The following DOCK10 variants were observed in gnomAD, a reference collection of about 807,000 sequenced individuals.
DOCK10 encodes dedicator of cytokinesis 10.
Under a neutral mutation model 280.1 loss-of-function variants are expected in DOCK10, and 145 were observed. That is an observed-to-expected ratio of 0.52 (90% CI 0.45 to 0.59). The LOEUF (loss-of-function observed/expected upper bound fraction) is 0.59. DOCK10 is among the 20% of genes least tolerant of loss of function. The pLI, the probability that DOCK10 is intolerant of heterozygous loss-of-function variation, is 0.00. For synonymous variants in DOCK10, 915 were observed against 942.2 expected (o/e 0.97, Z 0.53); for missense variants, 2,368 against 2,651.7 (o/e 0.89, Z 2.35).
chr2:224,988,815 C>T (rs1306585562), intron 1 of DOCK10, among the ~76,000 whole-genome samples: 1 of 152,142 alleles, frequency 6.6e-6, no homozygotes, highest in Non-Finnish European at 1.5e-5. Context: ...TTTTAAGGTG[C>T]TGTGTTTACT....
chr2:224,842,384 A>C (rs1175751614), intron 22 of DOCK10, among the ~76,000 whole-genome samples: 1 of 152,228 alleles, frequency 6.6e-6, no homozygotes, highest in African/African-American at 2.4e-5. Context: ...GATAGAACTG[A>C]CTATAACACT....
At chr2:224,785,801 C>T (rs1207375160) in intron 50 of DOCK10, among the ~76,000 whole-genome samples, 1 of 152,132 alleles carries the variant, frequency 6.6e-6, no homozygotes, top group Non-Finnish European at 1.5e-5. Context: ...TTTAAGCTGC[C>T]TTTGGTGAGC....
At chr2:224,898,128 G>A (rs1700087683) in intron 3 of DOCK10, among the ~76,000 whole-genome samples, 1 of 152,210 alleles carries the variant, frequency 6.6e-6, no homozygotes, top group African/African-American at 2.4e-5. Flanking sequence ...TTGCAGAAAG[G>A]ATGGAGGGGG....
chr2:224,982,568 C>T (rs760984824), intron 1 of DOCK10: 88 of 1,192,936 alleles, frequency 7.4e-5, no homozygotes, highest in Non-Finnish European at 8.8e-5. Context: ...GGAAACTGAA[C>T]ACACTCAGGA....
intron 50 of DOCK10, among the ~76,000 whole-genome samples, chr2:224,783,566 G>A (rs928263708): frequency 5.3e-5 from 8 of 151,776 alleles, no homozygotes; most frequent in African/African-American, 7.3e-5. Flanking sequence ...GAGCCACCGC[G>A]CCCAGCCTTG....
Position 224,830,621 on chromosome 2 carries a change from A to G in DOCK10, c.2965-9T>C, listed in dbSNP as rs538171314. 115 of 1,489,668 alleles carry G rather than the reference A, an allele frequency of 7.7e-5. 1 individual carries two copies. In the African/African-American group the frequency reaches 1.5e-3, roughly 19 times the overall value. 92.3% of individuals were successfully genotyped at this position (1,489,668 alleles called of 1,614,324 possible). ...AAGAAGAACCAGGAATGCTGTTGGG[A>G]AAAAAAAGGCAACGAGACATTTATT... On this transcript the variant is annotated splice_polypyrimidine_tract_variant and intron_variant, in intron 26 of 55. Transcript: ENST00000258390.
intron 6 of DOCK10, 43 bp downstream of exon 6, chr2:224,886,020 A>G: frequency 6.2e-7 from 1 of 1,612,374 alleles, no homozygotes; most frequent in Non-Finnish European, 8.5e-7. Context: ...GGGAGTGTTA[A>G]GAAGGGTGAC....
intron 1 of DOCK10, among the ~76,000 whole-genome samples, chr2:225,005,986 C>A (rs772845799): frequency 6.6e-6 from 1 of 152,130 alleles, no homozygotes; most frequent in Non-Finnish European, 1.5e-5. Flanking sequence ...ACAAAAACAT[C>A]TTGGAGGTTT....
intron 1 of DOCK10, among the ~76,000 whole-genome samples, chr2:225,025,997 A>G (rs1010233835): frequency 6.6e-6 from 1 of 152,134 alleles, no homozygotes; most frequent in Non-Finnish European, 1.5e-5. Context: ...AGAGGAAGAG[A>G]CTAAGTCTGC....
chr2:224,963,253 A>G (rs1704550480), intron 1 of DOCK10, among the ~76,000 whole-genome samples: 2 of 152,214 alleles, frequency 1.3e-5, no homozygotes. Context: ...TGGGAAGAAT[A>G]TTGTGACTGA....
chr2:224,912,742 C>T (rs1288821090), intron 3 of DOCK10, among the ~76,000 whole-genome samples: 1 of 152,040 alleles, frequency 6.6e-6, no homozygotes, highest in Non-Finnish European at 1.5e-5. Context: ...TTATGGGCAT[C>T]AGGCCGGGCA....
At chr2:224,937,104 A>C (rs935343303) in intron 1 of DOCK10, among the ~76,000 whole-genome samples, 1 of 152,200 alleles carries the variant, frequency 6.6e-6, no homozygotes, top group Non-Finnish European at 1.5e-5. Context: ...TTAATAACTA[A>C]AATATTTTTC....
intron 50 of DOCK10, among the ~76,000 whole-genome samples, chr2:224,782,199 A>T (rs1018019195): frequency 5.9e-5 from 9 of 152,034 alleles, no homozygotes; most frequent in African/African-American, 1.9e-4. Context: ...CAAAGTGGAG[A>T]TGATGGTTTT....
intron 3 of DOCK10, among the ~76,000 whole-genome samples, chr2:224,898,537 A>G (rs1700112899): frequency 6.6e-6 from 1 of 152,242 alleles, no homozygotes; most frequent in Non-Finnish European, 1.5e-5. Context: ...CCAATGCCTG[A>G]GCCAATTCTG....
At chr2:224,867,818 A>T (rs888785825) in intron 11 of DOCK10, among the ~76,000 whole-genome samples, 1 of 152,224 alleles carries the variant, frequency 6.6e-6, no homozygotes, top group Non-Finnish European at 1.5e-5. Context: ...GTCTTGGTTG[A>T]TTGGAGAAAA....
Position 224,797,426 on chromosome 2 carries a change from C to T in DOCK10, c.4645-280G>A, listed in dbSNP as rs72970962. 4.0e-3 allele frequency among the ~76,000 whole-genome samples: 613 copies of T among 152,228 alleles called. 3 individuals carry two copies. Among genetic ancestry groups the T allele is most frequent in the Non-Finnish European group, 5.6e-3 (382 of 68,014 alleles). ...AATAACAGTGAGAGCTTTGAAATGA[C>T]CTCAATTCACCTGACATTGTTAAGA... On this transcript the variant is annotated intron_variant, in intron 42 of 55. Transcript: ENST00000258390.
intron 50 of DOCK10, among the ~76,000 whole-genome samples, chr2:224,785,083 C>CAT (rs150136039): frequency 0.31 from 47,001 of 151,740 alleles, 8,309 homozygotes; most frequent in East Asian, 0.78. Flanking sequence ...CTTCCCGACT[C>CAT]ATAGCATTTT....
intron 28 of DOCK10, among the ~76,000 whole-genome samples, chr2:224,821,571 A>AT (rs921673030): frequency 8.6e-5 from 13 of 151,934 alleles, no homozygotes; most frequent in Admixed American, 2.0e-4. Context: ...AAGTGTTCCA[A>AT]TTTTTTTTAA....
At chr2:224,931,884 C>T (rs909193209) in intron 1 of DOCK10, among the ~76,000 whole-genome samples, 1 of 152,136 alleles carries the variant, frequency 6.6e-6, no homozygotes, top group Non-Finnish European at 1.5e-5. Context: ...CCTGATATCT[C>T]CCTCAGAAAT....
Sources: gnomAD v4.1 joint callset for allele counts (sites outside exome capture counted in the v4.1 genomes callset) on GRCh38, gnomAD v4.1.1 for gene constraint, MANE v1.5 for transcripts, NCBI Gene and HGNC (gene_info 2026-07-23, HGNC 2026-07-21) for gene names.